UTRN: variants seen among roughly 807,000 people sequenced by gnomAD.
UTRN encodes the protein dystrophin-related protein 1.
In UTRN, 283 loss-of-function variants were observed where a neutral mutation model predicts 463.9. That is an observed-to-expected ratio of 0.61 (90% CI 0.55 to 0.67). The LOEUF (loss-of-function observed/expected upper bound fraction) is 0.67. Ranked by LOEUF, UTRN falls within the 30% of genes least tolerant of loss-of-function variation. The pLI is 0.00. For synonymous variants in UTRN, 1,442 were observed against 1,431.5 expected (o/e 1.01, Z -0.17); for missense variants, 3,922 against 4,084.3 (o/e 0.96, Z 1.08).
At chr6:144,303,457 G>A (rs1188340626) in intron 2 of UTRN, among the ~76,000 whole-genome samples, 3 of 152,200 alleles carry the variant, frequency 2.0e-5, no homozygotes, top group East Asian at 1.9e-4. Context: ...CAACACTTTC[G>A]GTTATTAGCT....
At chr6:144,603,256 A>G (rs545581392) in intron 51 of UTRN, among the ~76,000 whole-genome samples, 1 of 152,210 alleles carries the variant, frequency 6.6e-6, no homozygotes, top group East Asian at 1.9e-4. Flanking sequence ...TTTTTTATGC[A>G]TATCTTTTAC....
chr6:144,448,525 GA>G, intron 16 of UTRN, 74 bp from the exon 17 acceptor site: 1 of 1,518,180 alleles, frequency 6.6e-7, no homozygotes, highest in Non-Finnish European at 8.9e-7. Flanking sequence ...TTCAAAGAAA[GA>G]ATTTTATAGC....
At position 144,473,822 on chromosome 6, in the gene UTRN, G is replaced by T; in HGVS notation, c.3169G>T (p.Asp1057Tyr). 6.2e-7 allele frequency: 1 copy of T among 1,613,148 alleles called. No individual in the cohort carries two copies. The highest frequency in any genetic ancestry group is 8.5e-7 in the Non-Finnish European group (1 of 1,179,292). The change falls in exon 24 of 75, where the codon GAC (aspartate) becomes TAC (tyrosine). Residue 1057 changes from aspartate (D) to tyrosine (Y), a missense_variant. Asp to Tyr is a radical substitution (Grantham distance 160). Transcript: ENST00000367545. ...CGACGCAGGTCTACAGAGGCAGTTAGACCAGTGCTCTGTGAGTTCTGCTGA... is the reference window on the plus strand; with the variant it reads ...CGACGCAGGTCTACAGAGGCAGTTATACCAGTGCTCTGTGAGTTCTGCTGA... ...GDDAGLQRQL[D>Y]QCSAFVNEIE...
chr6:144,448,796 A>C (rs1385770695), intron 17 of UTRN, 27 bp downstream of exon 17: 1 of 1,609,626 alleles, frequency 6.2e-7, no homozygotes, highest in Non-Finnish European at 8.5e-7. Context: ...AAATTGTTCA[A>C]ATCCAATATT....
At chr6:144,301,522 A>ATCTTTCTT (rs1183345997) in intron 2 of UTRN, among the ~76,000 whole-genome samples, 2 of 132,372 alleles carry the variant, frequency 1.5e-5, no homozygotes, top group East Asian at 2.1e-4. Flanking sequence ...ATGCCATCCT[A>ATCTTTCTT]TCTTTCTTTC....
intron 51 of UTRN, among the ~76,000 whole-genome samples, chr6:144,647,014 C>T (rs1188484879): frequency 6.6e-6 from 1 of 152,168 alleles, no homozygotes; most frequent in Non-Finnish European, 1.5e-5. Context: ...GCCAATCTCT[C>T]ATCCTCCCTT....
chr6:144,473,234 G>T (rs1790849871), intron 23 of UTRN, among the ~76,000 whole-genome samples: 1 of 152,182 alleles, frequency 6.6e-6, no homozygotes, highest in South Asian at 2.1e-4. Context: ...TGAAATATTG[G>T]AGCTGAACGG....
intron 27 of UTRN, among the ~76,000 whole-genome samples, chr6:144,484,432 C>CTT (rs765122659): frequency 0.012 from 793 of 66,266 alleles, 139 homozygotes; most frequent in African/African-American, 0.036. Context: ...AAAAACCAAA[C>CTT]TTTTTTTTTT....
At chr6:144,644,245 G>A (rs774479635) in intron 51 of UTRN, among the ~76,000 whole-genome samples, 14 of 152,132 alleles carry the variant, frequency 9.2e-5, no homozygotes, top group African/African-American at 3.4e-4. Flanking sequence ...AATTAGTATT[G>A]GAAAAATCTC....
intron 2 of UTRN, among the ~76,000 whole-genome samples, chr6:144,317,176 CA>C (rs1421457277): frequency 3.3e-5 from 5 of 152,176 alleles, no homozygotes; most frequent in Non-Finnish European, 7.4e-5. Flanking sequence ...TGAGGACCCC[CA>C]AAACTCAGAA....
At position 144,485,268 on chromosome 6, in the gene UTRN, A is replaced by T. The variant is rs575140118; in HGVS notation, c.3688-117A>T. ...GAAGTTTCAACTCCATCAGTTCTGA[A>T]TTCCTAGGTATACTCACATCCAAAT... On this transcript the variant is annotated intron_variant, in intron 27 of 74. Transcript: ENST00000367545. The T allele has an allele frequency of 7.7e-6, 11 of 1,430,756 alleles. No homozygotes were observed. The South Asian group carries it at 1.4e-4, about 18-fold the overall frequency. 88.6% of individuals were successfully genotyped at this position (1,430,756 alleles called of 1,614,324 possible).
At position 144,793,998 on chromosome 6, in the gene UTRN, A is replaced by G. The variant is rs200996379; in HGVS notation, c.9078+7A>G. The stretch of plus-strand genomic sequence containing the variant: ...TCGCAGCTGCTTCCAACAGGTAAGC[A>G]TGAAGGATCACTGGTGTGTAGGATG... On this transcript the variant is annotated splice_region_variant and intron_variant, in intron 63 of 74. Coordinates refer to ENST00000367545, the MANE Select transcript of UTRN (RefSeq NM_007124.3). 6.2e-7 allele frequency: 1 copy of G among 1,613,432 alleles called. No homozygotes were observed. The highest frequency in any genetic ancestry group is 8.5e-7 in the Non-Finnish European group (1 of 1,179,756).
rs1240493748 is a variant in UTRN, at chr6:144,636,312, GT to G, written c.7480-42092del. ...AGGAACAGAAAACCAAACCCTGCAT[GT>G]TCTCACTCATAAGTGGGAGTTGAAC... On this transcript the variant is annotated intron_variant, in intron 51 of 74. Transcript: ENST00000367545. Among the ~76,000 whole-genome samples the G allele has an allele frequency of 2.0e-5, 3 of 151,678 alleles. No individual in the cohort carries two copies. In the East Asian group the frequency reaches 5.8e-4, roughly 29 times the overall value.
chr6:144,451,037 T>C (rs1288616558), intron 17 of UTRN, among the ~76,000 whole-genome samples: 1 of 152,100 alleles, frequency 6.6e-6, no homozygotes, highest in Non-Finnish European at 1.5e-5. Flanking sequence ...CCTTTGAATC[T>C]GGAGGCGGAG....
At chr6:144,800,572 T>C (rs1281253804) in intron 64 of UTRN, among the ~76,000 whole-genome samples, 1 of 152,182 alleles carries the variant, frequency 6.6e-6, no homozygotes, top group Non-Finnish European at 1.5e-5. Context: ...GATCTATTGT[T>C]TGGTGCTGAG....
chr6:144,362,437 T>C (rs117866192), intron 2 of UTRN, among the ~76,000 whole-genome samples: 179 of 152,352 alleles, frequency 1.2e-3, no homozygotes, highest in Non-Finnish European at 1.9e-3. Context: ...GAATGTATTT[T>C]CTAAATAGCT....
At chr6:144,403,072 A>G in intron 2 of UTRN, 51 bp from the exon 3 acceptor site, 1 of 1,529,756 alleles carries the variant, frequency 6.5e-7, no homozygotes, top group Non-Finnish European at 9.0e-7. Context: ...TGCTTTACTA[A>G]AGGTACAGAC....
intron 51 of UTRN, among the ~76,000 whole-genome samples, chr6:144,625,560 T>G (rs1775858419): frequency 6.6e-6 from 1 of 152,232 alleles, no homozygotes; most frequent in South Asian, 2.1e-4. Context: ...TAGAATTCAT[T>G]TAGATTTTTC....
intron 72 of UTRN, among the ~76,000 whole-genome samples, chr6:144,839,649 C>T (rs1781391155): frequency 6.6e-6 from 1 of 152,044 alleles, no homozygotes; most frequent in Non-Finnish European, 1.5e-5. Context: ...AATATTACAC[C>T]AAACATTATG....
Sources: gnomAD v4.1 joint callset for allele counts (sites outside exome capture counted in the v4.1 genomes callset) on GRCh38, gnomAD v4.1.1 for gene constraint, MANE v1.5 for transcripts, NCBI Gene and HGNC (gene_info 2026-07-23, HGNC 2026-07-21) for gene names.